Variants in PARVB observed in about 807,000 individuals in gnomAD.
PARVB encodes the protein beta-parvin.
A neutral mutation model predicts 47.0 loss-of-function variants in PARVB; 46 were observed. That is an observed-to-expected ratio of 0.98 (90% CI 0.77 to 1.25). PARVB has a LOEUF of 1.25. Among genes scored for constraint, PARVB ranks in the 50% most tolerant of loss-of-function variants. PARVB has a pLI of 0.00. For missense variants in PARVB, 473 were observed against 471.6 expected, an observed-to-expected ratio of 1.00 and a Z score of -0.03; for synonymous variants, 196 against 196.3, an observed-to-expected ratio of 1.00 and a Z score of 0.01.
At chr22:44,021,902 C>G (rs938230348), upstream of PARVB, among the ~76,000 whole-genome samples, 10 of 151,884 alleles carry the variant, frequency 6.6e-5, no homozygotes, top group Non-Finnish European at 1.3e-4. Context: ...ACCCCAGGAG[C>G]CTGGAGAGAT....
Position 44,089,036 on chromosome 22 carries a change from G to A in PARVB, c.113-4892G>A, listed in dbSNP as rs1005359139. On this transcript the variant is annotated intron_variant, in intron 1 of 12. Coordinates refer to ENST00000338758, the MANE Select transcript of PARVB (RefSeq NM_013327.5). This position sits in a 1 kb window ranked among gnomAD's most constrained non-coding sequence, Gnocchi z 4.0. ...CTTTTCTTGAAAACTCAGATCTGGT[G>A]ACTGCAGCCTGCACTTCCCACTCTG... Among the ~76,000 whole-genome samples the A allele has an allele frequency of 3.3e-5, 5 of 152,168 alleles. No homozygotes were observed. The highest frequency in any genetic ancestry group is 7.3e-5 in the Non-Finnish European group (5 of 68,032).
chr22:44,131,135 CT>C (rs2053307632), intron 4 of PARVB, among the ~76,000 whole-genome samples: 1 of 23,456 alleles, frequency 4.3e-5, no homozygotes, highest in Non-Finnish European at 7.9e-5. Context: ...TTCTTTCTTT[CT>C]CTCTCTCTCT....
intron 1 of PARVB, among the ~76,000 whole-genome samples, chr22:44,072,003 C>T (rs2146982079): frequency 6.6e-6 from 1 of 152,350 alleles, no homozygotes; most frequent in Admixed American, 6.5e-5. Flanking sequence ...CTCCCTCGCT[C>T]TCTACCAGTG....
At chr22:44,093,799 A>C in intron 1 of PARVB, 129 bp from the exon 2 acceptor site, 1 of 633,264 alleles carries the variant, frequency 1.6e-6, no homozygotes, top group South Asian at 2.0e-5. Flanking sequence ...TGGGCAACAG[A>C]CCTTTTAGGA....
intron 3 of PARVB, chr22:44,116,099 A>C (rs1279731089): frequency 6.6e-6 from 1 of 152,326 alleles, no homozygotes; most frequent in African/African-American, 2.4e-5. Context: ...CATTGCATTC[A>C]GTCCTGAGGC....
At chr22:44,038,481 A>G (rs1267961132) in intron 1 of PARVB, among the ~76,000 whole-genome samples, 4 of 152,092 alleles carry the variant, frequency 2.6e-5, no homozygotes, top group Non-Finnish European at 5.9e-5. Context: ...GAAATGATGT[A>G]CTTAAAACTG....
At chr22:44,160,089 G>A (rs1455456078) in intron 11 of PARVB, among the ~76,000 whole-genome samples, 1 of 152,216 alleles carries the variant, frequency 6.6e-6, no homozygotes, top group Non-Finnish European at 1.5e-5. Context: ...TATCTCAGAG[G>A]CATGAGTGTG....
chr22:44,057,752 T>G (rs2051341524), intron 1 of PARVB, among the ~76,000 whole-genome samples: 4 of 147,118 alleles, frequency 2.7e-5, no homozygotes, highest in Non-Finnish European at 3.0e-5. Context: ...GGGAGGGGAG[T>G]GGAAGAGGAG....
intron 3 of PARVB, among the ~76,000 whole-genome samples, chr22:44,116,661 CAG>C (rs1193854618): frequency 1.3e-5 from 2 of 152,214 alleles, no homozygotes; most frequent in South Asian, 2.1e-4. Context: ...TGGAGTCTAA[CAG>C]GGGAGAGCCT....
intron 12 of PARVB, among the ~76,000 whole-genome samples, chr22:44,167,662 A>G (rs2054197571): frequency 6.6e-6 from 1 of 151,586 alleles, no homozygotes. Context: ...TCTTCAGGTC[A>G]GGGGGAGACC....
At chr22:44,066,823 T>C (rs7288356) in intron 1 of PARVB, among the ~76,000 whole-genome samples, 1,359 of 23,566 alleles carry the variant, frequency 0.058, 5 homozygotes, top group East Asian at 0.17. Context: ...CCTCCTCCTC[T>C]TCCTCCTCCA....
At chr22:44,091,555 A>G (rs1406416756) in intron 1 of PARVB, among the ~76,000 whole-genome samples, 3 of 152,198 alleles carry the variant, frequency 2.0e-5, no homozygotes, top group East Asian at 1.9e-4. Context: ...GGGACCTCCT[A>G]CTGGTGGAAT....
chr22:44,136,747 A>T (rs1264065654), intron 7 of PARVB, among the ~76,000 whole-genome samples: 1 of 152,104 alleles, frequency 6.6e-6, no homozygotes, highest in Non-Finnish European at 1.5e-5. Context: ...CAGACTTTGA[A>T]TTTTTTCATT....
chr22:44,096,349 G>T (rs943320433), intron 2 of PARVB, among the ~76,000 whole-genome samples: 2 of 152,218 alleles, frequency 1.3e-5, no homozygotes, highest in African/African-American at 4.8e-5. Flanking sequence ...AGTGAGCCAA[G>T]ATCACACCAC....
intron 1 of PARVB, among the ~76,000 whole-genome samples, chr22:44,040,790 C>T (rs8138615): frequency 6.6e-5 from 10 of 151,252 alleles, no homozygotes; most frequent in South Asian, 4.2e-4. Context: ...CCGAGGTGGA[C>T]GGATCATGAG....
chr22:44,049,150 T>G lies in PARVB; in HGVS notation c.112+24699T>G, dbSNP rs867952180. On this transcript the variant is annotated intron_variant, in intron 1 of 12. Transcript: ENST00000338758. The surrounding 1 kb of genome is among the most constrained non-coding windows in gnomAD (Gnocchi z 4.0). ...AAATGAGATGAAAATGAGTCTCATT[T>G]TACGATGAGGAAACTGAGGCCCTGA... Among the ~76,000 whole-genome samples the G allele has an allele frequency of 1.3e-5, 2 of 152,180 alleles. No individual in the cohort carries two copies. The highest frequency in any genetic ancestry group is 2.9e-5 in the Non-Finnish European group (2 of 68,032).
chr22:44,059,676 G>T (rs1351749053), intron 1 of PARVB, among the ~76,000 whole-genome samples: 1 of 152,186 alleles, frequency 6.6e-6, no homozygotes, highest in Non-Finnish European at 1.5e-5. Context: ...TGAATGTTGG[G>T]TGTACATTCA....
At chr22:44,163,207 C>T (rs191295798) in intron 11 of PARVB, among the ~76,000 whole-genome samples, 8 of 152,330 alleles carry the variant, frequency 5.3e-5, no homozygotes, top group Middle Eastern at 3.4e-3. Context: ...CAGCGGCTCA[C>T]GCCTGTAATT....
At chr22:44,148,345 G>A (rs759746598) in intron 9 of PARVB, 8 of 244,902 alleles carry the variant, frequency 3.3e-5, no homozygotes, top group Non-Finnish European at 5.7e-5. Flanking sequence ...TCCAGACAGA[G>A]AATGGGCCCT....
Sources: allele counts gnomAD v4.1 joint callset (sites outside exome capture counted in the v4.1 genomes callset), GRCh38; gene constraint gnomAD v4.1.1; non-coding constraint Gnocchi (gnomAD v3.1); transcripts MANE v1.5; gene names NCBI Gene and HGNC (gene_info 2026-07-23, HGNC 2026-07-21).